The following DOCK9 variants were observed in gnomAD, a reference collection of about 807,000 sequenced individuals.
The protein encoded by DOCK9 is dedicator of cytokinesis 9.
In DOCK9, 89 loss-of-function variants were observed where a neutral mutation model predicts 263.3. That is an observed-to-expected ratio of 0.34 (90% CI 0.28 to 0.40). The LOEUF (loss-of-function observed/expected upper bound fraction) is 0.40. Among genes scored for constraint, DOCK9 ranks in the 10% least tolerant of loss-of-function variants. The probability of loss-of-function intolerance (pLI) is 1.00; values close to 1 mark genes in which losing one functional copy is unlikely to be tolerated. For missense variants in DOCK9, 2,140 were observed against 2,603.4 expected, an observed-to-expected ratio of 0.82 and a Z score of 3.87; for synonymous variants, 976 against 973.1, an observed-to-expected ratio of 1.00 and a Z score of -0.06.
In DOCK9 at chr13:98,923,359, C is replaced by A. The variant is rs2052389950; in HGVS notation, c.429G>T (p.Lys143Asn). ...EFRQLPNKVVKLDKLPVHVYE... is the reference protein window; with the variant it reads ...EFRQLPNKVVNLDKLPVHVYE... ...AGACATGAACTGGAAGTTTATCCAA[C>A]TTGACCACTTTGCTATAAAAACAAC... Residue 143 changes from lysine (K) to asparagine (N), a missense_variant, in exon 5 of 53, where the codon AAG becomes AAT. Lys to Asn is a moderately conservative substitution (Grantham distance 94). Transcript: ENST00000682017. The A allele has an allele frequency of 6.2e-7, 1 of 1,613,868 alleles. No homozygotes were observed. Among genetic ancestry groups the A allele is most frequent in the Non-Finnish European group, 8.5e-7 (1 of 1,179,776 alleles).
At chr13:98,809,212 T>C in intron 47 of DOCK9, 140 bp downstream of exon 47, 1 of 1,246,598 alleles carries the variant, frequency 8.0e-7, no homozygotes, top group Non-Finnish European at 1.1e-6. Context: ...TCATACTAAA[T>C]ATGACAAATT....
intron 1 of DOCK9, among the ~76,000 whole-genome samples, chr13:98,968,771 G>A (rs1187104663): frequency 6.6e-6 from 1 of 152,120 alleles, no homozygotes; most frequent in Non-Finnish European, 1.5e-5. Context: ...ATTTTTACTT[G>A]GGCAGACAAT....
At chr13:99,070,927 G>A (rs544483874) in intron 1 of DOCK9, among the ~76,000 whole-genome samples, 7 of 152,190 alleles carry the variant, frequency 4.6e-5, no homozygotes, top group East Asian at 1.9e-4. Flanking sequence ...ACTTTTTTCC[G>A]TGAACAAAAT....
chr13:98,825,331 C>T lies in DOCK9; in HGVS notation c.5024-827G>A, dbSNP rs888615655. 3.9e-5 allele frequency among the ~76,000 whole-genome samples: 6 copies of T among 152,092 alleles called. No homozygotes were observed. Among genetic ancestry groups the T allele is most frequent in the Non-Finnish European group, 8.8e-5 (6 of 68,008 alleles). On this transcript the variant is annotated intron_variant, in intron 44 of 52. Coordinates refer to ENST00000682017, the MANE Select transcript of DOCK9 (RefSeq NM_001366683.2). This position sits in a 1 kb window ranked among gnomAD's most constrained non-coding sequence, Gnocchi z 4.1. ...TACTCTATTTTGAGATAACTGTTCACAATAAAATAAAACAGAAGTAAAAAC... is the reference window on the plus strand; with the variant it reads ...TACTCTATTTTGAGATAACTGTTCATAATAAAATAAAACAGAAGTAAAAAC...
intron 29 of DOCK9, 36 bp from the exon 30 acceptor site, chr13:98,867,572 T>C (rs553645676): frequency 7.8e-7 from 1 of 1,274,338 alleles, no homozygotes; most frequent in South Asian, 1.3e-5. Flanking sequence ...AATACCTCAC[T>C]GGATATTTTA....
At chr13:99,045,350 C>T (rs1888867035) in intron 1 of DOCK9, among the ~76,000 whole-genome samples, 1 of 152,110 alleles carries the variant, frequency 6.6e-6, no homozygotes, top group South Asian at 2.1e-4. Flanking sequence ...AGAAAGAAAT[C>T]GTCTGCAACA....
chr13:98,807,600 T>C, intron 48 of DOCK9, 61 bp downstream of exon 48: 1 of 1,382,928 alleles, frequency 7.2e-7, no homozygotes, highest in Non-Finnish European at 9.6e-7. Flanking sequence ...TTTAAAAATA[T>C]ATAATATGTA....
At chr13:98,949,285 T>C (rs1002841686) in intron 2 of DOCK9, among the ~76,000 whole-genome samples, 1 of 152,170 alleles carries the variant, frequency 6.6e-6, no homozygotes, top group African/African-American at 2.4e-5. Context: ...TTTTTGTACC[T>C]TTCTTCCTAT....
chr13:98,834,876 TCATA>T (rs2092928438), intron 39 of DOCK9, among the ~76,000 whole-genome samples: 1 of 152,178 alleles, frequency 6.6e-6, no homozygotes, highest in Non-Finnish European at 1.5e-5. Context: ...TCTTTCTCTC[TCATA>T]CACACACACA....
At chr13:98,988,424 G>A (rs777671681) in intron 1 of DOCK9, among the ~76,000 whole-genome samples, 3 of 152,168 alleles carry the variant, frequency 2.0e-5, no homozygotes, top group African/African-American at 7.2e-5. Context: ...CACTGTATCT[G>A]GTCCTCCGTC....
intron 24 of DOCK9, 126 bp downstream of exon 24, chr13:98,881,766 C>A (rs986854796): frequency 4.9e-6 from 6 of 1,236,450 alleles, no homozygotes; most frequent in Non-Finnish European, 6.9e-6. Context: ...GGGGTCCTTA[C>A]ACATGGGATC....
chr13:98,798,688 C>A (rs763296967), intron 50 of DOCK9, among the ~76,000 whole-genome samples: 11 of 152,206 alleles, frequency 7.2e-5, no homozygotes, highest in Non-Finnish European at 8.8e-5. Context: ...AAAGCTGCAG[C>A]GCCAGTGAGC....
At chr13:98,863,306 T>C (rs2093929029) in intron 31 of DOCK9, 64 bp downstream of exon 31, 2 of 1,567,576 alleles carry the variant, frequency 1.3e-6, no homozygotes, top group African/African-American at 2.7e-5. Context: ...CTGATTACTT[T>C]CTTTACACCA....
At chr13:99,023,600 TG>T (rs1886371272) in intron 1 of DOCK9, among the ~76,000 whole-genome samples, 1 of 152,224 alleles carries the variant, frequency 6.6e-6, no homozygotes, top group African/African-American at 2.4e-5. Flanking sequence ...ATCACTGATG[TG>T]TACACTTAAA....
At chr13:98,795,972 TG>T (rs2089336472) in intron 52 of DOCK9, among the ~76,000 whole-genome samples, 1 of 152,164 alleles carries the variant, frequency 6.6e-6, no homozygotes, top group African/African-American at 2.4e-5. Flanking sequence ...TTGGCCAGGC[TG>T]GTCTCGAACT....
At chr13:99,086,259 C>T (rs1484290346) in exon 1 of DOCK9, 1 of 1,500,634 alleles carries the variant, frequency 6.7e-7, no homozygotes, top group Admixed American at 2.1e-5. Flanking sequence ...CAGACACGCT[C>T]TGCCGCAGCT....
At chr13:98,969,419 A>G (rs9557104) in intron 1 of DOCK9, among the ~76,000 whole-genome samples, 81,600 of 151,564 alleles carry the variant, frequency 0.54, 22,199 homozygotes, top group East Asian at 0.75. Context: ...TTGCCTATAC[A>G]TTCCCCAAAG....
At chr13:98,995,637 T>A (rs1880853339) in intron 1 of DOCK9, among the ~76,000 whole-genome samples, 1 of 151,820 alleles carries the variant, frequency 6.6e-6, no homozygotes, top group Non-Finnish European at 1.5e-5. Flanking sequence ...TACAGGCACC[T>A]GCCACCACGC....
intron 7 of DOCK9, among the ~76,000 whole-genome samples, chr13:98,916,634 G>A (rs1225020513): frequency 6.6e-6 from 1 of 152,226 alleles, no homozygotes; most frequent in Non-Finnish European, 1.5e-5. Flanking sequence ...ACTGTCTGCT[G>A]TGGGCTCAGT....
Sources: allele counts gnomAD v4.1 joint callset (sites outside exome capture counted in the v4.1 genomes callset), GRCh38; gene constraint gnomAD v4.1.1; non-coding constraint Gnocchi (gnomAD v3.1); transcripts MANE v1.5; gene names NCBI Gene and HGNC (gene_info 2026-07-23, HGNC 2026-07-21).